The following PDE4B variants were observed in gnomAD, a reference collection of about 807,000 sequenced individuals.
PDE4B encodes the protein 3',5'-cyclic-AMP phosphodiesterase 4B.
PDE4B carries 20 observed loss-of-function variants against 82.2 expected under a neutral mutation model. The observed-to-expected ratio is 0.24, with a 90% CI of 0.17 to 0.35. The LOEUF (loss-of-function observed/expected upper bound fraction) is 0.35, where lower values mean the gene tolerates loss of function less well. PDE4B is among the 10% of genes least tolerant of loss of function. The probability of loss-of-function intolerance (pLI) is 1.00; values close to 1 mark genes in which losing one functional copy is unlikely to be tolerated. For synonymous variants in PDE4B, 320 were observed against 318.9 expected (o/e 1.00, Z -0.04); for missense variants, 655 against 907.2 (o/e 0.72, Z 3.57).
intron 7 of PDE4B, among the ~76,000 whole-genome samples, chr1:66,306,575 G>T (rs953996861): frequency 6.6e-6 from 1 of 152,104 alleles, no homozygotes; most frequent in African/African-American, 2.4e-5. Flanking sequence ...GGAGAAAGAC[G>T]GTGCCATTCA....
rs183822325 is a variant in PDE4B at position 66,266,721 on chromosome 1, G to A, written c.634+634G>A. 87 of 524,716 alleles carry A rather than the reference G, an allele frequency of 1.7e-4. No individual in the cohort carries two copies. In the East Asian group the frequency reaches 4.3e-3, roughly 26 times the overall value. The allele number at this position is 524,716 out of a possible 1,614,324, so 32.5% of individuals were successfully genotyped here. On this transcript the variant is annotated intron_variant, in intron 7 of 16. Transcript: ENST00000341517. ...GTGTTGAGAGCTGCAGAGAGGAAGG[G>A]CCACCTTGAAGGAACACCATGGAGT...
intron 3 of PDE4B, among the ~76,000 whole-genome samples, chr1:66,030,540 T>C (rs910074653): frequency 1.3e-5 from 2 of 152,362 alleles, no homozygotes; most frequent in Non-Finnish European, 2.9e-5. Flanking sequence ...ATTTGTGAAC[T>C]TTTTATTGTT....
At chr1:66,227,457 A>G (rs573567141) in intron 3 of PDE4B, among the ~76,000 whole-genome samples, 2 of 152,246 alleles carry the variant, frequency 1.3e-5, no homozygotes, top group Non-Finnish European at 2.9e-5. Flanking sequence ...AAATAATGAT[A>G]TATGCAAAGT....
At chr1:65,946,014 C>G (rs1321583013) in intron 3 of PDE4B, among the ~76,000 whole-genome samples, 1 of 151,956 alleles carries the variant, frequency 6.6e-6, no homozygotes, top group Non-Finnish European at 1.5e-5. Flanking sequence ...TTTTTCAGTG[C>G]TACTCTGTGG....
At chr1:65,961,071 G>A (rs926377774) in intron 3 of PDE4B, among the ~76,000 whole-genome samples, 1 of 152,116 alleles carries the variant, frequency 6.6e-6, no homozygotes, top group Admixed American at 6.6e-5. Flanking sequence ...TGAAACCTTT[G>A]CCCGTGGAGC....
chr1:66,121,218 T>C (rs777323198), intron 3 of PDE4B, among the ~76,000 whole-genome samples: 2 of 150,478 alleles, frequency 1.3e-5, no homozygotes, highest in East Asian at 2.2e-4. Flanking sequence ...AGCATGAGGA[T>C]AATTCAGGGG....
chr1:66,218,010 A>G (rs1265007468), intron 3 of PDE4B, among the ~76,000 whole-genome samples: 1 of 152,156 alleles, frequency 6.6e-6, no homozygotes, highest in African/African-American at 2.4e-5. Flanking sequence ...AGCTGACAAC[A>G]TTATAGCAGA....
intron 1 of PDE4B, among the ~76,000 whole-genome samples, chr1:65,849,848 A>G (rs1426356336): frequency 6.6e-6 from 1 of 152,208 alleles, no homozygotes; most frequent in Non-Finnish European, 1.5e-5. Flanking sequence ...CCTGGCAAAG[A>G]ATAAATATAG....
At chr1:66,347,446 C>T (rs17128818) in intron 8 of PDE4B, among the ~76,000 whole-genome samples, 4,077 of 152,190 alleles carry the variant, frequency 0.027, 134 homozygotes, top group East Asian at 0.16. Context: ...CTCAATTTGC[C>T]GGTGCATACT....
chr1:66,029,385 C>T (rs1453142326), intron 3 of PDE4B, among the ~76,000 whole-genome samples: 1 of 152,066 alleles, frequency 6.6e-6, no homozygotes, highest in East Asian at 1.9e-4. Flanking sequence ...CACAGCCAAA[C>T]CATATCTGTA....
intron 3 of PDE4B, among the ~76,000 whole-genome samples, chr1:66,101,409 T>A (rs1323297937): frequency 1.3e-5 from 2 of 152,198 alleles, no homozygotes; most frequent in Non-Finnish European, 2.9e-5. Flanking sequence ...ATCACCACAC[T>A]GTCTTCCACA....
chr1:65,831,108 C>T (rs935999917), intron 1 of PDE4B, among the ~76,000 whole-genome samples: 3 of 151,680 alleles, frequency 2.0e-5, no homozygotes, highest in African/African-American at 7.3e-5. Flanking sequence ...CAAGCTTACA[C>T]CTTGAGAAAT....
intron 1 of PDE4B, among the ~76,000 whole-genome samples, chr1:65,813,283 G>A (rs879571092): frequency 6.6e-6 from 1 of 152,162 alleles, no homozygotes; most frequent in Non-Finnish European, 1.5e-5. Flanking sequence ...GGTATACGGA[G>A]GGAGAAAGAA....
At chr1:65,970,386 A>T (rs1650066941) in intron 3 of PDE4B, among the ~76,000 whole-genome samples, 4 of 152,228 alleles carry the variant, frequency 2.6e-5, no homozygotes, top group African/African-American at 9.6e-5. Flanking sequence ...CAGAAGAATG[A>T]TACATGTATT....
chr1:66,137,171 G>A (rs761411595), intron 3 of PDE4B, among the ~76,000 whole-genome samples: 6 of 152,152 alleles, frequency 3.9e-5, no homozygotes, highest in African/African-American at 7.2e-5. Flanking sequence ...CAGGCATAGT[G>A]AGGGCTTATT....
At chr1:66,202,335 T>C (rs1242192160) in intron 3 of PDE4B, among the ~76,000 whole-genome samples, 9 of 152,134 alleles carry the variant, frequency 5.9e-5, no homozygotes, top group African/African-American at 2.2e-4. Flanking sequence ...TGATTTGGGG[T>C]GGAGAGTTCT....
At chr1:66,193,835 C>T (rs886700754) in intron 3 of PDE4B, among the ~76,000 whole-genome samples, 6 of 151,982 alleles carry the variant, frequency 3.9e-5, no homozygotes, top group Non-Finnish European at 8.8e-5. Context: ...CTTTTAGAGA[C>T]TGAAATCATT....
intron 3 of PDE4B, among the ~76,000 whole-genome samples, chr1:66,096,222 T>A (rs1645111091): frequency 6.6e-6 from 1 of 151,794 alleles, no homozygotes; most frequent in Non-Finnish European, 1.5e-5. Flanking sequence ...TTCACTTCTA[T>A]AAGATCAACA....
At chr1:66,069,485 C>T (rs992559092) in intron 3 of PDE4B, among the ~76,000 whole-genome samples, 1 of 151,944 alleles carries the variant, frequency 6.6e-6, no homozygotes, top group Non-Finnish European at 1.5e-5. Flanking sequence ...TATACTTCTG[C>T]CTTTAGCATT....
Sources: allele counts gnomAD v4.1 joint callset (sites outside exome capture counted in the v4.1 genomes callset), GRCh38; gene constraint gnomAD v4.1.1; transcripts MANE v1.5; gene names NCBI Gene and HGNC (gene_info 2026-07-23, HGNC 2026-07-21).